Variants in LMAN2L observed in about 807,000 individuals in gnomAD.
LMAN2L encodes the protein VIP36-like protein.
A neutral mutation model predicts 44.3 loss-of-function variants in LMAN2L; 30 were observed. The ratio of observed to expected loss-of-function variants is 0.68; its 90% CI spans 0.51 to 0.92. LMAN2L has a LOEUF of 0.92. Ranked by LOEUF, LMAN2L falls within the 40% of genes least tolerant of loss-of-function variation. LMAN2L has a pLI of 0.00. For synonymous variants in LMAN2L, 183 were observed against 171.1 expected, an observed-to-expected ratio of 1.07 and a Z score of -0.54; for missense variants, 429 against 446.1, an observed-to-expected ratio of 0.96 and a Z score of 0.35.
rs1190676494 is a variant in LMAN2L at position 96,733,541 on chromosome 2, G to C, written c.485C>G (p.Pro162Arg). Residue 162 changes from proline to arginine, a missense_variant, in exon 4 of 8, where the codon CCC becomes CGC. Transcript: ENST00000264963. ...TACCTCTTGCTGCTTCTCCTCATTG[G>C]GGTAGGTGTCTACAAATACTCCCAG... The part of the protein sequence containing the change: ...VGLGVFVDTY[P>R]NEEKQQERVF... The C allele has an allele frequency of 6.2e-7, 1 of 1,613,812 alleles. No homozygotes were observed. Among genetic ancestry groups the C allele is most frequent in the Non-Finnish European group, 8.5e-7 (1 of 1,179,842 alleles).
At chr2:96,708,017 C>T (rs1462711399) in intron 6 of LMAN2L, among the ~76,000 whole-genome samples, 184 bp from the exon 7 acceptor site, 5 of 152,216 alleles carry the variant, frequency 3.3e-5, no homozygotes, top group African/African-American at 1.2e-4. Flanking sequence ...TCTATATCTT[C>T]TGTATTTAAG....
rs542182165 is a variant in LMAN2L, at chr2:96,707,077, T to C, written c.*179A>G. 1.8e-6 allele frequency: 1 copy of C among 553,144 alleles called. No homozygotes were observed. Among genetic ancestry groups the C allele is most frequent in the African/African-American group, 1.9e-5 (1 of 52,608 alleles). 34.3% of individuals were successfully genotyped at this position (553,144 alleles called of 1,614,324 possible). A position where few individuals can be genotyped will look rare whatever the true frequency, so the allele number is the denominator to read the frequency against. On this transcript the variant is annotated 3_prime_UTR_variant, in exon 8 of 8. Coordinates refer to ENST00000264963, the MANE Select transcript of LMAN2L (RefSeq NM_030805.4). ...GGTGGCTTCCCAGACCAGAGTTAGATGTCCCCATGCACAACCATGGGAATG... is the reference window on the plus strand; with the variant it reads ...GGTGGCTTCCCAGACCAGAGTTAGACGTCCCCATGCACAACCATGGGAATG...
At chr2:96,716,890 C>T (rs959718222) in intron 4 of LMAN2L, among the ~76,000 whole-genome samples, 5 of 152,022 alleles carry the variant, frequency 3.3e-5, no homozygotes, top group Non-Finnish European at 5.9e-5. Flanking sequence ...TACTCTGAAG[C>T]ACAAAGAGAA....
intron 6 of LMAN2L, among the ~76,000 whole-genome samples, chr2:96,709,634 T>C (rs1283918250): frequency 1.3e-5 from 2 of 152,198 alleles, no homozygotes; most frequent in African/African-American, 2.4e-5. Context: ...GTTTAAACCA[T>C]GGGACAGGAT....
intron 2 of LMAN2L, among the ~76,000 whole-genome samples, chr2:96,736,415 GA>G (rs2078516189): frequency 1.3e-5 from 2 of 152,184 alleles, no homozygotes; most frequent in African/African-American, 4.8e-5. Context: ...GTGATAGCCA[GA>G]TAACAGCGAA....
intron 4 of LMAN2L, among the ~76,000 whole-genome samples, chr2:96,715,284 C>T (rs1477764934): frequency 6.6e-6 from 1 of 152,188 alleles, no homozygotes; most frequent in African/African-American, 2.4e-5. Context: ...TGATGTGCAG[C>T]CAAATTGAAG....
intron 2 of LMAN2L, among the ~76,000 whole-genome samples, chr2:96,736,788 G>C (rs1294796919): frequency 6.6e-6 from 1 of 152,170 alleles, no homozygotes; most frequent in Non-Finnish European, 1.5e-5. Flanking sequence ...GACAGAGCTG[G>C]ACCGAGAATC....
chr2:96,735,839 A>T (rs925432484), intron 2 of LMAN2L, among the ~76,000 whole-genome samples: 1 of 145,138 alleles, frequency 6.9e-6, no homozygotes, highest in African/African-American at 2.5e-5. Context: ...CTCCATCTCA[A>T]AAAAAAAAAA....
chr2:96,718,617 G>C (rs1051268368), intron 4 of LMAN2L, among the ~76,000 whole-genome samples: 1 of 152,076 alleles, frequency 6.6e-6, no homozygotes, highest in Non-Finnish European at 1.5e-5. Context: ...ACTTACACAC[G>C]TAGACCTGTC....
intron 4 of LMAN2L, among the ~76,000 whole-genome samples, chr2:96,713,358 C>T (rs2077969419): frequency 6.6e-6 from 1 of 152,174 alleles, no homozygotes. Context: ...GGTGCTTGTA[C>T]ATTTTTCTGA....
chr2:96,718,263 T>C (rs2078081721), intron 4 of LMAN2L, among the ~76,000 whole-genome samples: 1 of 152,206 alleles, frequency 6.6e-6, no homozygotes, highest in Non-Finnish European at 1.5e-5. Context: ...GCCGGTTGTA[T>C]TCTTATAACT....
intron 4 of LMAN2L, among the ~76,000 whole-genome samples, chr2:96,718,596 A>G (rs2078089072): frequency 6.6e-6 from 1 of 152,172 alleles, no homozygotes; most frequent in African/African-American, 2.4e-5. Context: ...TCACTAGCGG[A>G]ACACACTGTC....
chr2:96,733,567 C>T lies in LMAN2L; in HGVS notation c.459G>A (p.Gly153=). 1 of 1,613,904 alleles carries T rather than the reference C, an allele frequency of 6.2e-7. No homozygotes were observed. ...GGTAGGTGTCTACAAATACTCCCAG[C>T]CCCACAAATTTGTCCATGTTTCCAA... ...PVFGNMDKFV[G]LGVFVDTYPN... The change falls in exon 4 of 8, where the codon GGG becomes GGA. Residue 153 remains glycine (G), a synonymous_variant. Coordinates refer to ENST00000264963, the MANE Select transcript of LMAN2L (RefSeq NM_030805.4).
chr2:96,706,421 C>A lies in LMAN2L; in HGVS notation c.*835G>T. Reference sequence around the variant, plus strand: ...AAATGTTGCTTTTGGTTTGATCAAACCTGGAGCTGGTCAGTTGCACAGCTA... The same window carrying A: ...AAATGTTGCTTTTGGTTTGATCAAAACTGGAGCTGGTCAGTTGCACAGCTA... On this transcript the variant is annotated 3_prime_UTR_variant, in exon 8 of 8. Transcript: ENST00000264963. The A allele has an allele frequency of 6.6e-6, 1 of 152,338 alleles. No homozygotes were observed. Among genetic ancestry groups the A allele is most frequent in the African/African-American group, 2.4e-5 (1 of 41,590 alleles). The allele number at this position is 152,338 out of a possible 1,614,324, so 9.4% of individuals were successfully genotyped here.
chr2:96,721,508 CTTTG>C (rs2078155158), intron 4 of LMAN2L, among the ~76,000 whole-genome samples: 1 of 151,440 alleles, frequency 6.6e-6, no homozygotes. Flanking sequence ...ATTACTCCTA[CTTTG>C]TTTTTTTTTT....
At chr2:96,714,764 T>G (rs2153323263) in intron 4 of LMAN2L, among the ~76,000 whole-genome samples, 1 of 152,164 alleles carries the variant, frequency 6.6e-6, no homozygotes, top group East Asian at 1.9e-4. Context: ...GAGACAGCAA[T>G]CCTTAGCCTA....
intron 4 of LMAN2L, among the ~76,000 whole-genome samples, chr2:96,729,696 C>A (rs992604899): frequency 6.6e-6 from 1 of 152,034 alleles, no homozygotes; most frequent in African/African-American, 2.4e-5. Flanking sequence ...TTAGTAGAGA[C>A]AGGGTTTCAC....
At position 96,735,837 on chromosome 2, in the gene LMAN2L, C is replaced by CA. The variant is rs569948329; in HGVS notation, c.307-1312dup. On this transcript the variant is annotated intron_variant, in intron 2 of 7. Coordinates refer to ENST00000264963, the MANE Select transcript of LMAN2L (RefSeq NM_030805.4). ...TGGGCGACAGAGCGAGACTCCATCT[C>CA]AAAAAAAAAAAAAAAGATTTCAGAG... Among the ~76,000 whole-genome samples, 485 of 106,176 alleles carry CA rather than the reference C, an allele frequency of 4.6e-3. 4 individuals are homozygous for CA. Among genetic ancestry groups the CA allele is most frequent in the East Asian group, 0.012 (47 of 3,856 alleles). The allele number at this position is 106,176 out of a possible 152,430, so 69.7% of individuals were successfully genotyped here.
At chr2:96,733,171 T>G (rs2078443124) in intron 4 of LMAN2L, among the ~76,000 whole-genome samples, 1 of 152,182 alleles carries the variant, frequency 6.6e-6, no homozygotes, top group Non-Finnish European at 1.5e-5. Flanking sequence ...GGATTAAAAG[T>G]CAGGGGAGGC....
Sources: allele counts gnomAD v4.1 joint callset (sites outside exome capture counted in the v4.1 genomes callset), GRCh38; gene constraint gnomAD v4.1.1; transcripts MANE v1.5; gene names NCBI Gene and HGNC (gene_info 2026-07-23, HGNC 2026-07-21).